Variants in CACNG4 observed in about 807,000 individuals in gnomAD.
The protein encoded by CACNG4 is voltage-dependent calcium channel gamma-4 subunit.
A neutral mutation model predicts 22.9 loss-of-function variants in CACNG4; 8 were observed. The observed-to-expected ratio is 0.35, with a 90% confidence interval of 0.21 to 0.63. The LOEUF is 0.63. Among genes scored for constraint, CACNG4 ranks in the 30% least tolerant of loss-of-function variants. The pLI, the probability that CACNG4 is intolerant of heterozygous loss-of-function variation, is 0.72. For synonymous variants in CACNG4, 188 were observed against 191.9 expected, an observed-to-expected ratio of 0.98 and a Z score of 0.17; for missense variants, 357 against 455.4, an observed-to-expected ratio of 0.78 and a Z score of 1.97.
intron 1 of CACNG4, among the ~76,000 whole-genome samples, chr17:67,001,038 G>A (rs1044359325): frequency 2.6e-5 from 4 of 151,976 alleles, no homozygotes; most frequent in African/African-American, 9.7e-5. Flanking sequence ...AGGGACCTGG[G>A]GGGAGGTAAT....
At chr17:66,970,442 CCT>C (rs1456965380) in intron 1 of CACNG4, among the ~76,000 whole-genome samples, 1 of 152,136 alleles carries the variant, frequency 6.6e-6, no homozygotes, top group African/African-American at 2.4e-5. Context: ...TGGTGAGGTC[CCT>C]CTTCCTGGCT....
At chr17:66,976,177 T>C (rs1056829134) in intron 1 of CACNG4, among the ~76,000 whole-genome samples, 2 of 152,066 alleles carry the variant, frequency 1.3e-5, no homozygotes, top group African/African-American at 4.8e-5. Flanking sequence ...GTGAAAACCA[T>C]CAGGATTGGA....
chr17:66,986,394 C>T (rs964669319), intron 1 of CACNG4, among the ~76,000 whole-genome samples: 1 of 152,150 alleles, frequency 6.6e-6, no homozygotes, highest in African/African-American at 2.4e-5. Context: ...TGGGGAAACA[C>T]TGGAAAATTC....
At chr17:67,023,635 A>G (rs1031792743) in intron 2 of CACNG4, among the ~76,000 whole-genome samples, 23 of 146,332 alleles carry the variant, frequency 1.6e-4, no homozygotes, top group African/African-American at 5.8e-4. Flanking sequence ...GCAATGGCGC[A>G]ATCTCAGCTC....
chr17:67,015,603 T>A (rs1192416709), intron 1 of CACNG4, among the ~76,000 whole-genome samples: 2 of 152,114 alleles, frequency 1.3e-5, no homozygotes, highest in African/African-American at 4.8e-5. Context: ...CAAGTGTAAT[T>A]TTTTTTAAGA....
At chr17:66,994,596 C>T (rs1428860721) in intron 1 of CACNG4, among the ~76,000 whole-genome samples, 1 of 152,204 alleles carries the variant, frequency 6.6e-6, no homozygotes, top group Non-Finnish European at 1.5e-5. Context: ...GGGTGTCATG[C>T]AAGTAGAAAG....
Position 66,995,194 on chromosome 17 carries a change from A to G in CACNG4, c.221-22995A>G, listed in dbSNP as rs534665810. Among the ~76,000 whole-genome samples the G allele has an allele frequency of 4.9e-4, 74 of 152,190 alleles. No homozygotes were observed. The South Asian group carries it at 0.015, about 32-fold the overall frequency. ...GGCACCGTGATAAACTTCATTTTCC[A>G]GCTGTTATTTGCACCTCTGGAAATG... On this transcript the variant is annotated intron_variant, in intron 1 of 3. Transcript: ENST00000262138.
At chr17:67,016,178 T>G (rs1029060580) in intron 1 of CACNG4, among the ~76,000 whole-genome samples, 1 of 152,178 alleles carries the variant, frequency 6.6e-6, no homozygotes, top group Non-Finnish European at 1.5e-5. Flanking sequence ...TGACGTGGTG[T>G]AATTCTCCTA....
At chr17:66,985,335 G>A (rs1366589813) in intron 1 of CACNG4, among the ~76,000 whole-genome samples, 2 of 152,170 alleles carry the variant, frequency 1.3e-5, no homozygotes, top group African/African-American at 2.4e-5. Context: ...AGCAGCATTC[G>A]AAGTGATAGG....
At chr17:66,983,669 G>A (rs772367214) in intron 1 of CACNG4, among the ~76,000 whole-genome samples, 2 of 152,206 alleles carry the variant, frequency 1.3e-5, no homozygotes, top group African/African-American at 2.4e-5. Flanking sequence ...GGCACTCTCC[G>A]CAAAGAAGGT....
At chr17:67,025,532 T>C (rs2035558934) in intron 3 of CACNG4, among the ~76,000 whole-genome samples, 1 of 152,208 alleles carries the variant, frequency 6.6e-6, no homozygotes, top group Non-Finnish European at 1.5e-5. Context: ...CAGGGTGCCC[T>C]GGGAAGAGTG....
At chr17:67,001,287 T>TA in intron 1 of CACNG4, among the ~76,000 whole-genome samples, 1 of 152,248 alleles carries the variant, frequency 6.6e-6, no homozygotes. Flanking sequence ...GGGTATGCCT[T>TA]TATTAGCAGC....
intron 1 of CACNG4, among the ~76,000 whole-genome samples, 194 bp downstream of exon 1, chr17:66,965,325 G>T (rs2035162784): frequency 6.6e-6 from 1 of 150,756 alleles, no homozygotes; most frequent in African/African-American, 2.4e-5. Context: ...GGGTCCCTTC[G>T]CGGCCAGCTG....
At chr17:67,028,728 C>T (rs888058341) in intron 3 of CACNG4, among the ~76,000 whole-genome samples, 4 of 152,130 alleles carry the variant, frequency 2.6e-5, no homozygotes, top group Non-Finnish European at 4.4e-5. Flanking sequence ...ATGAGACTGA[C>T]GCATAAGGAG....
Position 67,024,960 on chromosome 17 carries a change from C to A in CACNG4, c.405C>A (p.Asn135Lys). The A allele has an allele frequency of 1.2e-6, 2 of 1,605,806 alleles. No individual in the cohort carries two copies. Among genetic ancestry groups the A allele is most frequent in the Non-Finnish European group, 1.7e-6 (2 of 1,177,326 alleles). ...IGAGRIYSRK[N>K]NIVLSAGILF... ...CTGGCAGGATCTACAGCCGCAAGAA[C>A]AACATCGTCCTCAGTGCCGGCATCC... The change falls in exon 3 of 4, where the codon AAC becomes AAA. Residue 135 changes from asparagine (N) to lysine (K), a missense_variant. By Grantham distance (94) the Asn-to-Lys change is moderately conservative (BLOSUM62 0). Transcript: ENST00000262138.
intron 1 of CACNG4, among the ~76,000 whole-genome samples, chr17:66,997,050 G>A (rs1451750389): frequency 2.0e-5 from 3 of 152,194 alleles, no homozygotes; most frequent in Non-Finnish European, 2.9e-5. Flanking sequence ...GGGTCAGCAG[G>A]AACCAGCTGT....
Position 66,978,957 on chromosome 17 carries a change from C to T in CACNG4, c.220+13826C>T, listed in dbSNP as rs182474551. On this transcript the variant is annotated intron_variant, in intron 1 of 3. Coordinates refer to ENST00000262138, the MANE Select transcript of CACNG4 (RefSeq NM_014405.4). Reference sequence around the variant, plus strand: ...CTCCCGTCTTCTACCTTGTGGCCTGCGGCCTTGAGGTTCAGTCTCTGGGGG... The same window carrying T: ...CTCCCGTCTTCTACCTTGTGGCCTGTGGCCTTGAGGTTCAGTCTCTGGGGG... 2.7e-3 allele frequency among the ~76,000 whole-genome samples: 405 copies of T among 152,344 alleles called. 3 individuals carry two copies. Among genetic ancestry groups the T allele is most frequent in the African/African-American group, 9.1e-3 (377 of 41,588 alleles).
intron 1 of CACNG4, among the ~76,000 whole-genome samples, chr17:66,979,396 G>T (rs1235336484): frequency 6.6e-6 from 1 of 152,066 alleles, no homozygotes; most frequent in Non-Finnish European, 1.5e-5. Flanking sequence ...TATTAGGAGG[G>T]TTATTAAACA....
At chr17:66,965,696 G>T (rs965645033) in intron 1 of CACNG4, among the ~76,000 whole-genome samples, 2 of 151,402 alleles carry the variant, frequency 1.3e-5, no homozygotes, top group African/African-American at 4.9e-5. Context: ...GGGCTGAGGG[G>T]TGGGGGCAGA....
Sources: allele counts gnomAD v4.1 joint callset (sites outside exome capture counted in the v4.1 genomes callset), GRCh38; gene constraint gnomAD v4.1.1; transcripts MANE v1.5; gene names NCBI Gene and HGNC (gene_info 2026-07-23, HGNC 2026-07-21).